PMF1: variants seen among roughly 807,000 people sequenced by gnomAD.
PMF1 encodes polyamine-modulated factor 1.
PMF1 carries 21 observed loss-of-function variants against 26.7 expected under a neutral mutation model. The observed-to-expected ratio is 0.79, with a 90% confidence interval of 0.56 to 1.13. PMF1 has a LOEUF of 1.13. Among genes scored for constraint, PMF1 ranks in the 50% most tolerant of loss-of-function variants. The pLI, the probability that PMF1 is intolerant of heterozygous loss-of-function variation, is 0.00. For missense variants in PMF1, 266 were observed against 254.9 expected, an observed-to-expected ratio of 1.04 and a Z score of -0.30; for synonymous variants, 105 against 101.0, an observed-to-expected ratio of 1.04 and a Z score of -0.24.
chr1:156,223,947 G>T (rs556775634), intron 1 of PMF1: 1 of 152,290 alleles, frequency 6.6e-6, no homozygotes, highest in South Asian at 2.1e-4. Flanking sequence ...TGCTCAGTAA[G>T]TATCTATTAA....
Position 156,239,802 on chromosome 1 carries a change from C to G in PMF1, c.*201C>G. 1 of 549,552 alleles carries G rather than the reference C, an allele frequency of 1.8e-6. No homozygotes were observed. Among genetic ancestry groups the G allele is most frequent in the Middle Eastern group, 4.8e-4 (1 of 2,094 alleles). 34.0% of individuals were successfully genotyped at this position (549,552 alleles called of 1,614,324 possible). A position where few individuals can be genotyped will look rare whatever the true frequency, so the allele number is the denominator to read the frequency against. On this transcript the variant is annotated 3_prime_UTR_variant, in exon 5 of 5. Transcript: ENST00000368277. ...GGGCACCCTTGGGGTTGGACATACA[C>G]CCCCTTTAGATTCCTCTGTTTCTTC...
At chr1:156,233,831 G>T (rs1398813297) in intron 3 of PMF1, 103 bp downstream of exon 3, 4 of 1,131,124 alleles carry the variant, frequency 3.5e-6, no homozygotes, top group Non-Finnish European at 5.0e-6. Flanking sequence ...GGCCAGGCTG[G>T]TCACAAACTC....
At position 156,233,642 on chromosome 1, in the gene PMF1, C is replaced by T; in HGVS notation, c.282C>T (p.Asp94=). The change falls in exon 3 of 5, where the codon GAC becomes GAT. Residue 94 remains aspartate, a synonymous_variant. Coordinates refer to ENST00000368277, the MANE Select transcript of PMF1 (RefSeq NM_007221.4). ...TTTCTCTTCAGGAGGAAATCTCTGA[C>T]ATCAAAGAGGAGGGGAACCTAGAAG... ...LQTSIREEIS[D]IKEEGNLEAV... 6.2e-7 allele frequency: 1 copy of T among 1,613,818 alleles called. No homozygotes were observed. Among genetic ancestry groups the T allele is most frequent in the Non-Finnish European group, 8.5e-7 (1 of 1,179,894 alleles).
At chr1:156,221,092 C>T (rs1363489198) in intron 1 of PMF1, among the ~76,000 whole-genome samples, 2 of 152,172 alleles carry the variant, frequency 1.3e-5, no homozygotes, top group Non-Finnish European at 2.9e-5. Context: ...TGCTCCTTCC[C>T]GGGGTCCTCT....
chr1:156,216,092 A>T (rs1410728452), intron 1 of PMF1, among the ~76,000 whole-genome samples: 4 of 150,696 alleles, frequency 2.7e-5, no homozygotes, highest in African/African-American at 7.3e-5. Flanking sequence ...TGGTACCATT[A>T]AAAAAAAATA....
intron 1 of PMF1, among the ~76,000 whole-genome samples, chr1:156,228,804 C>T (rs540597624): frequency 8.2e-4 from 125 of 152,320 alleles, no homozygotes; most frequent in African/African-American, 2.9e-3. Flanking sequence ...TCCTGGTAGC[C>T]ACAGACTGCG....
chr1:156,236,538 C>A, intron 4 of PMF1, 55 bp downstream of exon 4: 1 of 1,529,670 alleles, frequency 6.5e-7, no homozygotes, highest in Non-Finnish European at 8.8e-7. Context: ...CCTCTGAGAT[C>A]CGCAAATTGG....
intron 1 of PMF1, among the ~76,000 whole-genome samples, chr1:156,214,426 C>T (rs1252503243): frequency 6.6e-6 from 1 of 152,246 alleles, no homozygotes; most frequent in South Asian, 2.1e-4. Context: ...TTTACCTTTC[C>T]TACGCATAAT....
chr1:156,229,122 A>G (rs758069621), intron 1 of PMF1, among the ~76,000 whole-genome samples: 1 of 151,958 alleles, frequency 6.6e-6, no homozygotes, highest in African/African-American at 2.4e-5. Flanking sequence ...GTTAGCCAGG[A>G]TGGTCTCCAT....
chr1:156,216,205 A>G (rs1451761728), intron 1 of PMF1, among the ~76,000 whole-genome samples: 1 of 151,960 alleles, frequency 6.6e-6, no homozygotes, highest in Non-Finnish European at 1.5e-5. Flanking sequence ...AGCCTGGCCA[A>G]TGTAGCGAAA....
chr1:156,225,694 C>T, intron 1 of PMF1: 1 of 1,238,964 alleles, frequency 8.1e-7, no homozygotes, highest in Non-Finnish European at 1.2e-6. Context: ...TTTTTTGGCT[C>T]CCTTAGCACT....
chr1:156,232,305 T>C lies in PMF1; in HGVS notation c.162-15T>C, dbSNP rs945405839. On this transcript the variant is annotated splice_polypyrimidine_tract_variant and intron_variant, in intron 1 of 4. Coordinates refer to ENST00000368277, the MANE Select transcript of PMF1 (RefSeq NM_007221.4). ...GCTTGGCCCTCCCCACCTTTGCTTC[T>C]CTCCTTCCCGCCAGCTACCAGAGAT... 8 of 1,613,354 alleles carry C rather than the reference T, an allele frequency of 5.0e-6. No homozygotes were observed. Among genetic ancestry groups the C allele is most frequent in the Non-Finnish European group, 6.8e-6 (8 of 1,179,530 alleles).
chr1:156,236,613 C>G (rs1024717399), intron 4 of PMF1, 130 bp downstream of exon 4: 16 of 1,244,518 alleles, frequency 1.3e-5, no homozygotes, highest in East Asian at 5.1e-5. Context: ...CCCTGGGGAA[C>G]AGTCATGAAT....
intron 1 of PMF1, among the ~76,000 whole-genome samples, chr1:156,219,434 G>C (rs1278538889): frequency 6.6e-6 from 1 of 152,108 alleles, no homozygotes; most frequent in Non-Finnish European, 1.5e-5. Context: ...GCTTGATGGA[G>C]CCCCCTTACC....
chr1:156,236,758 C>T (rs1001531871), intron 4 of PMF1: 42 of 479,564 alleles, frequency 8.8e-5, no homozygotes, highest in Non-Finnish European at 1.2e-4. Flanking sequence ...GCAGGTGAGT[C>T]ACCCAAGGTA....
At chr1:156,213,997 C>T (rs982665138) in intron 1 of PMF1, among the ~76,000 whole-genome samples, 5 of 152,158 alleles carry the variant, frequency 3.3e-5, no homozygotes, top group African/African-American at 1.2e-4. Flanking sequence ...TTGCAACCTC[C>T]GTCTCCCGGG....
At position 156,232,426 on chromosome 1, in the gene PMF1, G is replaced by A. The variant is rs776178966; in HGVS notation, c.267+1G>A. On this transcript the variant is annotated splice_donor_variant, in intron 2 of 4. Transcript: ENST00000368277. LOFTEE classifies it high-confidence loss of function. ...AGCTCAGTTGCAGACATCTATCCGG[G>A]TGAGTGGCGGGAAGCCTGGCAGGTG... The A allele has an allele frequency of 1.2e-6, 2 of 1,613,704 alleles. No homozygotes were observed. The highest frequency in any genetic ancestry group is 2.2e-5 in the East Asian group (1 of 44,866).
At chr1:156,225,044 C>T (rs762291073) in intron 1 of PMF1, among the ~76,000 whole-genome samples, 4 of 151,832 alleles carry the variant, frequency 2.6e-5, no homozygotes, top group African/African-American at 4.8e-5. Context: ...GGATTACAGG[C>T]GCCTGCCACT....
chr1:156,225,572 T>C lies in PMF1; in HGVS notation c.162-6748T>C, dbSNP rs749011031. 1.8e-4 allele frequency: 274 copies of C among 1,554,402 alleles called. 1 individual carries two copies. Among genetic ancestry groups the C allele is most frequent in the Admixed American group, 5.4e-4 (28 of 51,864 alleles). On this transcript the variant is annotated intron_variant, in intron 1 of 4. Transcript: ENST00000368277. ...TTGTTCTCAGCTCTCCACTCCTTCA[T>C]TGGGACGGAAGTGCTGGTCCCCGCC...
Sources: gnomAD v4.1 joint callset for allele counts (sites outside exome capture counted in the v4.1 genomes callset) on GRCh38, gnomAD v4.1.1 for gene constraint, MANE v1.5 for transcripts, NCBI Gene and HGNC (gene_info 2026-07-23, HGNC 2026-07-21) for gene names.